MTMR8: variants seen among roughly 807,000 people sequenced by gnomAD.
MTMR8 encodes the protein phosphatidylinositol-3,5-bisphosphate 3-phosphatase MTMR8.
In MTMR8, 65 loss-of-function variants were observed where a neutral mutation model predicts 39.3. That is an observed-to-expected ratio of 1.65 (90% CI 1.35 to 2.03). The LOEUF is 2.03. MTMR8 is among the 30% of genes most tolerant of loss of function. The pLI, the probability that MTMR8 is intolerant of heterozygous loss-of-function variation, is 0.00. For missense variants in MTMR8, 777 were observed against 538.9 expected (o/e 1.44, Z -4.37); for synonymous variants, 245 against 185.2 (o/e 1.32, Z -2.62).
At chrX:64,316,812 C>T (rs1399331062) in intron 12 of MTMR8, among the ~76,000 whole-genome samples, 1 of 110,757 alleles carries the variant, frequency 9.0e-6, no homozygotes, top group Non-Finnish European at 1.9e-5. Flanking sequence ...TCTCCTGCTG[C>T]TTTCAATAGT....
At position 64,311,343 on chromosome X, in the gene MTMR8, G is replaced by T. The variant is rs758491668; in HGVS notation, c.1481+17429C>A. Among the ~76,000 whole-genome samples the T allele has an allele frequency of 4.6e-3, 506 of 109,430 alleles. 4 individuals are homozygous for T. Among genetic ancestry groups the T allele is most frequent in the African/African-American group, 0.011 (344 of 30,158 alleles). On this transcript the variant is annotated intron_variant, in intron 12 of 13. Transcript: ENST00000374852. ...CATGCTTTGCCCACTTTTTGATGGGGTTTTTTTTTCTTGTAAATTTGTTTA... is the reference window on the plus strand; with the variant it reads ...CATGCTTTGCCCACTTTTTGATGGGTTTTTTTTTTCTTGTAAATTTGTTTA...
At chrX:64,325,707 C>T (rs1038782776) in intron 12 of MTMR8, among the ~76,000 whole-genome samples, 1 of 112,422 alleles carries the variant, frequency 8.9e-6, no homozygotes, top group Non-Finnish European at 1.9e-5. Context: ...AAGTTGGAAG[C>T]TCTTCCTTAA....
chrX:64,337,624 C>T (rs1209272511), intron 8 of MTMR8, among the ~76,000 whole-genome samples: 1 of 111,503 alleles, frequency 9.0e-6, no homozygotes, highest in Non-Finnish European at 1.9e-5. Context: ...ACCCATAATG[C>T]AGGGCAAAAA....
At chrX:64,296,223 T>C (rs1921574680) in intron 12 of MTMR8, among the ~76,000 whole-genome samples, 1 of 111,263 alleles carries the variant, frequency 9.0e-6, no homozygotes, top group Admixed American at 9.6e-5. Context: ...CAAAAACAAA[T>C]ATTCTATGAC....
chrX:64,386,375 G>A (rs1050821745), intron 1 of MTMR8, among the ~76,000 whole-genome samples: 1 of 111,876 alleles, frequency 8.9e-6, no homozygotes, highest in Non-Finnish European at 1.9e-5. Context: ...AGAAAGGAGG[G>A]AGCAAGGTGG....
chrX:64,351,105 A>T (rs944296391), intron 4 of MTMR8, among the ~76,000 whole-genome samples: 5 of 111,530 alleles, frequency 4.5e-5, no homozygotes, highest in South Asian at 3.8e-4. Context: ...TACAAAGAAA[A>T]ATAAATGGAG....
At chrX:64,296,909 C>G (rs1444710991) in intron 12 of MTMR8, among the ~76,000 whole-genome samples, 1 of 103,409 alleles carries the variant, frequency 9.7e-6, no homozygotes, top group Non-Finnish European at 2.0e-5. Context: ...AGGACATGAA[C>G]TCATCATTTT....
intron 1 of MTMR8, among the ~76,000 whole-genome samples, chrX:64,385,952 T>C (rs2147248211): frequency 9.0e-6 from 1 of 110,666 alleles, no homozygotes; most frequent in South Asian, 3.9e-4. Context: ...CAATAGGGAG[T>C]CACTCAAGTT....
At chrX:64,330,002 C>T (rs1345844848) in intron 11 of MTMR8, among the ~76,000 whole-genome samples, 1 of 111,630 alleles carries the variant, frequency 9.0e-6, no homozygotes, top group Non-Finnish European at 1.9e-5. Context: ...GGTCACATAG[C>T]TAGTAGGTGA....
At chrX:64,360,914 G>A (rs2147235109) in intron 1 of MTMR8, among the ~76,000 whole-genome samples, 1 of 111,138 alleles carries the variant, frequency 9.0e-6, no homozygotes, top group African/African-American at 3.2e-5. Flanking sequence ...GAAATAAGAT[G>A]ATAAAGCACA....
At chrX:64,378,450 G>A (rs184319402) in intron 1 of MTMR8, among the ~76,000 whole-genome samples, 23 of 111,343 alleles carry the variant, frequency 2.1e-4, no homozygotes, top group Non-Finnish European at 2.8e-4. Flanking sequence ...CAAACTCCCC[G>A]CCTCAAACGA....
rs199594746 is a variant in MTMR8, at chrX:64,321,171, G to GA, written c.1481+7600dup. Among the ~76,000 whole-genome samples, 1,079 of 109,913 alleles carry GA rather than the reference G, an allele frequency of 9.8e-3. 18 individuals are homozygous for GA. The highest frequency in any genetic ancestry group is 0.032 in the African/African-American group (970 of 30,314). On this transcript the variant is annotated intron_variant, in intron 12 of 13. Coordinates refer to ENST00000374852, the MANE Select transcript of MTMR8 (RefSeq NM_017677.4). Reference sequence around the variant, plus strand: ...ACAACAAAAAATTATGAGGCATTCAGAAAAAAAACAAAAACGTATGCCCCA... The same window carrying GA: ...ACAACAAAAAATTATGAGGCATTCAGAAAAAAAAACAAAAACGTATGCCCCA...
intron 1 of MTMR8, among the ~76,000 whole-genome samples, chrX:64,378,117 T>C (rs760990915): frequency 8.9e-6 from 1 of 112,153 alleles, no homozygotes; most frequent in Admixed American, 9.5e-5. Context: ...ATTAAACTTC[T>C]TTTCTTCATA....
chrX:64,305,623 G>A, intron 12 of MTMR8: 1 of 531,693 alleles, frequency 1.9e-6, no homozygotes, highest in Non-Finnish European at 3.5e-6. Flanking sequence ...CGGCTGAGAA[G>A]AGGAACCAAA....
chrX:64,350,458 T>C (rs1024131743), intron 4 of MTMR8, among the ~76,000 whole-genome samples: 3 of 111,806 alleles, frequency 2.7e-5, no homozygotes, highest in African/African-American at 9.7e-5. Context: ...TGATTTTTGT[T>C]TTTCTAATTC....
At chrX:64,335,057 A>T (rs1026300366) in intron 10 of MTMR8, among the ~76,000 whole-genome samples, 6 of 111,792 alleles carry the variant, frequency 5.4e-5, no homozygotes, top group African/African-American at 1.6e-4. Context: ...GAGAGTGGCA[A>T]CCAAATGAAA....
At chrX:64,273,596 T>C (rs1430871860) in intron 12 of MTMR8, among the ~76,000 whole-genome samples, 1 of 110,279 alleles carries the variant, frequency 9.1e-6, no homozygotes, top group African/African-American at 3.3e-5. Flanking sequence ...CAACAGTAAA[T>C]CCTCCCCTAT....
chrX:64,392,173 G>A (rs1379755738), intron 1 of MTMR8, among the ~76,000 whole-genome samples: 1 of 111,437 alleles, frequency 9.0e-6, no homozygotes, highest in African/African-American at 3.3e-5. Flanking sequence ...TGTAAAATTG[G>A]TAGTGTCTAG....
intron 12 of MTMR8, among the ~76,000 whole-genome samples, chrX:64,277,759 G>C (rs1167954397): frequency 1.8e-5 from 2 of 110,703 alleles, no homozygotes; most frequent in Non-Finnish European, 3.8e-5. Context: ...TTATTTCCTG[G>C]ATTTGAATGT....
Sources: gnomAD v4.1 joint callset for allele counts (sites outside exome capture counted in the v4.1 genomes callset) on GRCh38, gnomAD v4.1.1 for gene constraint, MANE v1.5 for transcripts, NCBI Gene and HGNC (gene_info 2026-07-23, HGNC 2026-07-21) for gene names.